The following EXOC4 variants were observed in gnomAD, a reference collection of about 807,000 sequenced individuals.
The protein encoded by EXOC4 is exocyst complex component 4, also known as SEC8-like 1.
A neutral mutation model predicts 107.2 loss-of-function variants in EXOC4; 71 were observed. The ratio of observed to expected loss-of-function variants is 0.66; its 90% CI spans 0.55 to 0.81. The LOEUF is 0.81. Among genes scored for constraint, EXOC4 ranks in the 30% least tolerant of loss-of-function variants. The probability of loss-of-function intolerance (pLI) is 0.00; values close to 1 mark genes in which losing one functional copy is unlikely to be tolerated. For missense variants in EXOC4, 1,108 were observed against 1,189.6 expected (o/e 0.93, Z 1.01); for synonymous variants, 456 against 441.2 (o/e 1.03, Z -0.42).
At position 133,946,874 on chromosome 7, in the gene EXOC4, C is replaced by T. The variant is rs561248411; in HGVS notation, c.2206+8805C>T. Among the ~76,000 whole-genome samples, 5 of 152,270 alleles carry T rather than the reference C, an allele frequency of 3.3e-5. No homozygotes were observed. In the East Asian group the frequency reaches 9.6e-4, roughly 29 times the overall value. ...TTAAAACACATCTACTCTGGTTTTC[C>T]CTTTCCTGTCATTGAGTGTCCTCCC... On this transcript the variant is annotated intron_variant, in intron 14 of 17. Coordinates refer to ENST00000253861, the MANE Select transcript of EXOC4 (RefSeq NM_021807.4).
At chr7:133,279,788 G>A (rs559595214) in intron 2 of EXOC4, among the ~76,000 whole-genome samples, 2 of 152,162 alleles carry the variant, frequency 1.3e-5, no homozygotes, top group East Asian at 1.9e-4. Flanking sequence ...TAAAGTGCTG[G>A]GATTATAGGC....
intron 10 of EXOC4, among the ~76,000 whole-genome samples, chr7:133,725,850 C>T (rs1284222993): frequency 6.6e-6 from 1 of 152,118 alleles, no homozygotes; most frequent in African/African-American, 2.4e-5. Flanking sequence ...GATGACCAGG[C>T]TTATTTCAAA....
intron 9 of EXOC4, chr7:133,480,963 T>A (rs1799140524): frequency 2.0e-5 from 3 of 151,404 alleles, no homozygotes; most frequent in South Asian, 4.2e-4. Flanking sequence ...TGAGGTGAGA[T>A]TGCTTGAGCC....
At chr7:133,361,111 T>C (rs1215992368) in intron 6 of EXOC4, among the ~76,000 whole-genome samples, 1 of 152,160 alleles carries the variant, frequency 6.6e-6, no homozygotes, top group Non-Finnish European at 1.5e-5. Flanking sequence ...ATATCTGCCA[T>C]GGACCAGACA....
intron 7 of EXOC4, among the ~76,000 whole-genome samples, chr7:133,391,178 T>C (rs189489482): frequency 2.6e-5 from 4 of 152,298 alleles, no homozygotes; most frequent in Admixed American, 6.5e-5. Flanking sequence ...TTTGAAAATA[T>C]AAAGTAAAAT....
intron 5 of EXOC4, among the ~76,000 whole-genome samples, chr7:133,319,995 C>T (rs1795077356): frequency 6.6e-6 from 1 of 152,058 alleles, no homozygotes; most frequent in Admixed American, 6.6e-5. Context: ...TTTAGTCCCT[C>T]AACAATTTTA....
chr7:133,255,339 C>T (rs1794991791), intron 1 of EXOC4, among the ~76,000 whole-genome samples: 1 of 151,912 alleles, frequency 6.6e-6, no homozygotes, highest in Non-Finnish European at 1.5e-5. Context: ...ACCACACCCA[C>T]CTAATTTTTG....
intron 13 of EXOC4, among the ~76,000 whole-genome samples, chr7:133,921,055 C>T (rs1245396264): frequency 2.0e-5 from 3 of 152,168 alleles, no homozygotes; most frequent in Non-Finnish European, 2.9e-5. Flanking sequence ...AGGCCAAGAA[C>T]ATCCACCATC....
At chr7:133,492,085 A>T (rs1254546978) in intron 9 of EXOC4, among the ~76,000 whole-genome samples, 1 of 152,176 alleles carries the variant, frequency 6.6e-6, no homozygotes, top group Non-Finnish European at 1.5e-5. Context: ...TTAAAGTAGG[A>T]GAGTCGCATA....
At chr7:133,511,101 A>G (rs1799760615) in intron 9 of EXOC4, among the ~76,000 whole-genome samples, 1 of 152,144 alleles carries the variant, frequency 6.6e-6, no homozygotes, top group Non-Finnish European at 1.5e-5. Flanking sequence ...CGTCCTGGCT[A>G]CATAATTTTC....
rs532692119 is a variant in EXOC4 at position 133,594,493 on chromosome 7, CTTTTTTT to C, written c.1418-35538_1418-35532del. 2.7e-4 allele frequency among the ~76,000 whole-genome samples: 24 copies of C among 90,362 alleles called. 2 individuals carry two copies. The highest frequency in any genetic ancestry group is 6.8e-4 in the Admixed American group (4 of 5,898). 59.3% of individuals were successfully genotyped at this position (90,362 alleles called of 152,430 possible). On this transcript the variant is annotated intron_variant, in intron 9 of 17. Coordinates refer to ENST00000253861, the MANE Select transcript of EXOC4 (RefSeq NM_021807.4). ...AGACAAGAAATACATAAGCTTGAGT[CTTTTTTT>C]TTTTTTTTTTTTTGAGACGGAGTCT...
chr7:133,782,123 CT>C, intron 10 of EXOC4, among the ~76,000 whole-genome samples: 1 of 152,120 alleles, frequency 6.6e-6, no homozygotes, highest in African/African-American at 2.4e-5. Context: ...ATCTTTGAAG[CT>C]TTTGTTAAGA....
chr7:133,669,286 A>G (rs538235189), intron 10 of EXOC4, among the ~76,000 whole-genome samples: 83 of 151,916 alleles, frequency 5.5e-4, no homozygotes, highest in Non-Finnish European at 1.0e-3. Flanking sequence ...AGGAGCTCCT[A>G]TGGCCTGGCT....
chr7:133,471,268 T>C (rs1798870087), intron 7 of EXOC4, among the ~76,000 whole-genome samples: 1 of 151,810 alleles, frequency 6.6e-6, no homozygotes, highest in Non-Finnish European at 1.5e-5. Flanking sequence ...AAAAATTAGC[T>C]GGGCGTGGTG....
chr7:133,372,664 C>T (rs964641211), intron 6 of EXOC4, among the ~76,000 whole-genome samples: 34 of 152,222 alleles, frequency 2.2e-4, no homozygotes, highest in Admixed American at 1.6e-3. Flanking sequence ...GATAACAGCA[C>T]CCCTAACAAG....
intron 9 of EXOC4, among the ~76,000 whole-genome samples, chr7:133,587,665 A>G (rs900195596): frequency 1.3e-5 from 2 of 152,242 alleles, no homozygotes; most frequent in Non-Finnish European, 2.9e-5. Context: ...TGTAATTAAC[A>G]GTTAAATTTG....
At chr7:133,497,179 C>T (rs1242237181) in intron 9 of EXOC4, among the ~76,000 whole-genome samples, 1 of 152,132 alleles carries the variant, frequency 6.6e-6, no homozygotes, top group Non-Finnish European at 1.5e-5. Context: ...TGCCTGACAC[C>T]TTGATTTCAG....
the EXOC4 span, among the ~76,000 whole-genome samples, chr7:134,098,704 A>T: frequency 1.3e-5 from 2 of 152,212 alleles, no homozygotes; most frequent in Non-Finnish European, 2.9e-5. Context: ...TGGCAGGGAC[A>T]CATCACATTC....
intron 10 of EXOC4, among the ~76,000 whole-genome samples, chr7:133,659,164 G>C (rs1051156930): frequency 5.3e-5 from 8 of 152,084 alleles, no homozygotes; most frequent in Non-Finnish European, 1.0e-4. Context: ...ACTGTGATGT[G>C]AGGGCAGTTT....
Sources: allele counts gnomAD v4.1 joint callset (sites outside exome capture counted in the v4.1 genomes callset), GRCh38; gene constraint gnomAD v4.1.1; transcripts MANE v1.5; gene names NCBI Gene and HGNC (gene_info 2026-07-23, HGNC 2026-07-21).